MSRA: variants seen among roughly 807,000 people sequenced by gnomAD.
MSRA encodes methionine sulfoxide reductase A.
MSRA carries 54 observed loss-of-function variants against 31.3 expected under a neutral mutation model. That is an observed-to-expected ratio of 1.73 (90% confidence interval 1.39 to 2.17). The LOEUF (loss-of-function observed/expected upper bound fraction) is 2.17, where lower values mean the gene tolerates loss of function less well. Ranked by LOEUF, MSRA falls within the 30% of genes most tolerant of loss-of-function variation. MSRA has a pLI of 0.00. For synonymous variants in MSRA, 169 were observed against 116.5 expected, an observed-to-expected ratio of 1.45 and a Z score of -2.90; for missense variants, 507 against 300.9, an observed-to-expected ratio of 1.69 and a Z score of -5.07.
chr8:10,401,765 G>T (rs1463442841), intron 5 of MSRA, among the ~76,000 whole-genome samples: 1 of 152,140 alleles, frequency 6.6e-6, no homozygotes, highest in Non-Finnish European at 1.5e-5. Flanking sequence ...ACAGATGGGC[G>T]AACCTTGAGG....
At chr8:10,111,437 G>C (rs1800272141) in intron 1 of MSRA, among the ~76,000 whole-genome samples, 1 of 152,142 alleles carries the variant, frequency 6.6e-6, no homozygotes, top group African/African-American at 2.4e-5. Context: ...CTAGGTTCTT[G>C]AGGCAGATAA....
At chr8:10,362,740 G>A (rs1279348696) in intron 5 of MSRA, among the ~76,000 whole-genome samples, 3 of 151,992 alleles carry the variant, frequency 2.0e-5, no homozygotes, top group African/African-American at 4.8e-5. Flanking sequence ...AATCAAGCTC[G>A]AGCTGCCTGC....
intron 3 of MSRA, among the ~76,000 whole-genome samples, chr8:10,258,542 C>A (rs535556420): frequency 3.3e-5 from 5 of 152,150 alleles, no homozygotes; most frequent in African/African-American, 1.2e-4. Context: ...TCCCCTCATG[C>A]GTTAAATAAG....
At chr8:10,113,313 TTGGAGGTGTGTG>T (rs1800436568) in intron 1 of MSRA, among the ~76,000 whole-genome samples, 3 of 125,562 alleles carry the variant, frequency 2.4e-5, no homozygotes, top group African/African-American at 1.2e-4. Context: ...TTTTTTTTTT[TTGGAGGTGTGTG>T]TTTAAATGCT....
At chr8:10,217,907 G>C (rs1377749785) in intron 2 of MSRA, among the ~76,000 whole-genome samples, 2 of 152,014 alleles carry the variant, frequency 1.3e-5, no homozygotes, top group African/African-American at 4.8e-5. Context: ...CTTTTCATCT[G>C]TAAGTTCACC....
intron 1 of MSRA, among the ~76,000 whole-genome samples, chr8:10,057,752 G>C (rs1361980618): frequency 6.6e-6 from 1 of 152,130 alleles, no homozygotes; most frequent in Non-Finnish European, 1.5e-5. Flanking sequence ...CCTTTGTGTG[G>C]AGATGTGCCA....
intron 1 of MSRA, among the ~76,000 whole-genome samples, chr8:10,197,370 G>A (rs2099443882): frequency 6.6e-6 from 1 of 152,192 alleles, no homozygotes; most frequent in African/African-American, 2.4e-5. Context: ...GAGTGCTTGT[G>A]TTGGGAACTC....
At chr8:10,167,849 AC>A (rs1805274710) in intron 1 of MSRA, among the ~76,000 whole-genome samples, 1 of 151,712 alleles carries the variant, frequency 6.6e-6, no homozygotes, top group Non-Finnish European at 1.5e-5. Flanking sequence ...CCATGTAACT[AC>A]CCCCACCCCT....
intron 5 of MSRA, among the ~76,000 whole-genome samples, chr8:10,332,451 T>TCCCCCCCCCCCCCCCCCCCCCC (rs373121180): frequency 6.8e-6 from 1 of 146,512 alleles, no homozygotes; most frequent in Non-Finnish European, 1.5e-5. Flanking sequence ...AAAAGAAAAA[T>TCCCCCCCCCCCCCCCCCCCCCC]CCCCCCTCCC....
At chr8:10,343,585 A>T (rs767834144) in intron 5 of MSRA, among the ~76,000 whole-genome samples, 2 of 152,130 alleles carry the variant, frequency 1.3e-5, no homozygotes, top group African/African-American at 4.8e-5. Flanking sequence ...ACATCAGTTC[A>T]TGGGAGAGCT....
At chr8:10,144,094 A>G (rs1393569671) in intron 1 of MSRA, among the ~76,000 whole-genome samples, 2 of 152,130 alleles carry the variant, frequency 1.3e-5, no homozygotes, top group East Asian at 1.9e-4. Context: ...ACCCTATAGT[A>G]TAGTGACCGG....
At position 10,248,001 on chromosome 8, in the gene MSRA, C is replaced by T. The variant is rs368412170; in HGVS notation, c.331+2778C>T. On this transcript the variant is annotated intron_variant, in intron 3 of 5. Coordinates refer to ENST00000317173, the MANE Select transcript of MSRA (RefSeq NM_012331.5). ...GGAGACATAAAGCAGGTTACACTGG[C>T]GGGCCTCCCCTCTGAAGCCTCTGGT... Among the ~76,000 whole-genome samples the T allele has an allele frequency of 3.1e-4, 47 of 152,204 alleles. No individual in the cohort carries two copies. The East Asian group carries it at 3.5e-3, about 11-fold the overall frequency.
intron 5 of MSRA, among the ~76,000 whole-genome samples, chr8:10,408,774 G>A (rs1484389802): frequency 1.9e-5 from 2 of 103,346 alleles, no homozygotes; most frequent in Admixed American, 1.6e-4. Context: ...TAACTATTAT[G>A]TTCTTGCATA....
At chr8:10,151,163 A>G (rs1375104346) in intron 1 of MSRA, among the ~76,000 whole-genome samples, 1 of 150,428 alleles carries the variant, frequency 6.6e-6, no homozygotes, top group Non-Finnish European at 1.5e-5. Context: ...GGTGGAGGTG[A>G]GCCGAGCTCA....
chr8:10,231,675 G>T (rs911215956), intron 2 of MSRA, among the ~76,000 whole-genome samples: 1 of 152,190 alleles, frequency 6.6e-6, no homozygotes, highest in African/African-American at 2.4e-5. Context: ...GGCTGAGGTG[G>T]GCAGATTACC....
intron 3 of MSRA, among the ~76,000 whole-genome samples, chr8:10,272,797 A>G (rs1314639530): frequency 6.6e-6 from 1 of 152,214 alleles, no homozygotes; most frequent in African/African-American, 2.4e-5. Flanking sequence ...TTTTTGTCAC[A>G]TTCATCTTTC....
intron 5 of MSRA, among the ~76,000 whole-genome samples, chr8:10,356,407 C>A (rs1368175306): frequency 6.6e-6 from 1 of 152,228 alleles, no homozygotes; most frequent in African/African-American, 2.4e-5. Flanking sequence ...AGAGCCTCTC[C>A]TCCATCTGCC....
intron 1 of MSRA, among the ~76,000 whole-genome samples, chr8:10,109,213 C>T (rs1359735733): frequency 6.6e-6 from 1 of 152,190 alleles, no homozygotes; most frequent in African/African-American, 2.4e-5. Context: ...CCATATTTGA[C>T]ATCATATGCT....
intron 3 of MSRA, among the ~76,000 whole-genome samples, chr8:10,253,789 T>C (rs1798036521): frequency 1.3e-5 from 2 of 152,266 alleles, no homozygotes; most frequent in Non-Finnish European, 2.9e-5. Flanking sequence ...TTATGGGATA[T>C]GCTGGGTCTT....
Sources: gnomAD v4.1 joint callset for allele counts (sites outside exome capture counted in the v4.1 genomes callset) on GRCh38, gnomAD v4.1.1 for gene constraint, MANE v1.5 for transcripts, NCBI Gene and HGNC (gene_info 2026-07-23, HGNC 2026-07-21) for gene names.